RBFOX1: variants seen among roughly 807,000 people sequenced by gnomAD.
The protein encoded by RBFOX1 is RNA binding fox-1 homolog 1.
Under a neutral mutation model 57.7 loss-of-function variants are expected in RBFOX1, and 8 were observed. That is an observed-to-expected ratio of 0.14 (90% CI 0.08 to 0.25). The LOEUF (loss-of-function observed/expected upper bound fraction) is 0.25. Ranked by LOEUF, RBFOX1 falls within the 10% of genes least tolerant of loss-of-function variation. RBFOX1 has a pLI of 1.00. For synonymous variants in RBFOX1, 326 were observed against 222.4 expected (o/e 1.47, Z -4.15); for missense variants, 611 against 548.5 (o/e 1.11, Z -1.14).
chr16:6,712,653 G>C (rs183425651), intron 3 of RBFOX1, among the ~76,000 whole-genome samples: 13 of 152,182 alleles, frequency 8.5e-5, no homozygotes, highest in Middle Eastern at 3.4e-3. Context: ...TCATGGCGTA[G>C]GCACTCTGAT....
chr16:5,592,159 C>T (rs185793438), intron 2 of RBFOX1, among the ~76,000 whole-genome samples: 4 of 143,926 alleles, frequency 2.8e-5, no homozygotes, highest in Admixed American at 2.7e-4. Flanking sequence ...CTGTACATTT[C>T]CTTTGCTTGT....
chr16:7,506,547 T>G (rs1321163742), intron 4 of RBFOX1, among the ~76,000 whole-genome samples: 1 of 152,100 alleles, frequency 6.6e-6, no homozygotes, highest in Non-Finnish European at 1.5e-5. Flanking sequence ...TTACCAGACA[T>G]CGTCATCACC....
intron 3 of RBFOX1, among the ~76,000 whole-genome samples, chr16:6,791,524 C>T (rs143381205): frequency 5.9e-5 from 9 of 152,212 alleles, no homozygotes; most frequent in South Asian, 4.2e-4. Flanking sequence ...TTCGGGAGGC[C>T]GAGGTGGGTG....
intron 1 of RBFOX1, among the ~76,000 whole-genome samples, chr16:5,447,725 T>A (rs1479814782): frequency 6.6e-6 from 1 of 152,218 alleles, no homozygotes; most frequent in East Asian, 1.9e-4. Context: ...CTGTGTGGCC[T>A]CTCATCAGCT....
At chr16:5,403,143 G>C (rs918649599) in intron 1 of RBFOX1, among the ~76,000 whole-genome samples, 2 of 152,002 alleles carry the variant, frequency 1.3e-5, no homozygotes, top group Non-Finnish European at 2.9e-5. Context: ...CTGAGGTTGG[G>C]AGTTCCAGAC....
At chr16:6,344,152 C>T (rs117084979) in intron 2 of RBFOX1, among the ~76,000 whole-genome samples, 2,824 of 152,160 alleles carry the variant, frequency 0.019, 56 homozygotes, top group Non-Finnish European at 0.028. Context: ...CTCCACCTCC[C>T]GGGTTCAAAT....
chr16:5,646,575 A>G (rs1405971913), intron 3 of RBFOX1, among the ~76,000 whole-genome samples: 1 of 152,126 alleles, frequency 6.6e-6, no homozygotes, highest in Non-Finnish European at 1.5e-5. Flanking sequence ...AGAGGGTCGC[A>G]GTGTGCAGCA....
rs998934424 is a variant in RBFOX1 at position 7,032,635 on chromosome 16, C to G, written c.-15-19422C>G. On this transcript the variant is annotated intron_variant, in intron 3 of 15. Transcript: ENST00000550418. ...TTGCTAGACGAGTATTTTCCCTCCT[C>G]AAGCTAATTGCTTGATGGAATTAAA... is the stretch of plus-strand genomic sequence containing the variant. 2.0e-5 allele frequency among the ~76,000 whole-genome samples: 3 copies of G among 152,186 alleles called. No individual in the cohort carries two copies. In the East Asian group the frequency reaches 5.8e-4, roughly 29 times the overall value.
chr16:6,065,481 G>A (rs2095749477), intron 1 of RBFOX1, among the ~76,000 whole-genome samples: 1 of 152,102 alleles, frequency 6.6e-6, no homozygotes. Flanking sequence ...CAAAGCCTCT[G>A]ATATATCATT....
chr16:5,617,642 G>A (rs1441141088), intron 3 of RBFOX1, among the ~76,000 whole-genome samples: 1 of 152,136 alleles, frequency 6.6e-6, no homozygotes, highest in Non-Finnish European at 1.5e-5. Context: ...TTATTCTCAG[G>A]TATTCAGTGA....
In RBFOX1 at chr16:5,638,175, G is replaced by A. The variant is rs150046424; in HGVS notation, c.318+39214G>A. Among the ~76,000 whole-genome samples the A allele has an allele frequency of 2.8e-3, 427 of 152,328 alleles. 1 individual carries two copies. Among genetic ancestry groups the A allele is most frequent in the African/African-American group, 9.8e-3 (406 of 41,568 alleles). Reference sequence around the variant, plus strand: ...TATTGACTAGCCCTGTGGAGGGGGTGCAGTGGCAATTGTTACTGTCATTTT... The same window carrying A: ...TATTGACTAGCCCTGTGGAGGGGGTACAGTGGCAATTGTTACTGTCATTTT... On this transcript the variant is annotated intron_variant, in intron 3 of 19. Transcript: ENST00000641259.
chr16:7,095,628 G>T lies in RBFOX1; in HGVS notation c.27+43530G>T, dbSNP rs374292353. On this transcript the variant is annotated intron_variant, in intron 4 of 15. Transcript: ENST00000550418. ...TACTTGGATGTCATGATACATACCA[G>T]GTGGGAGCTTGGAATGTGTTTACAG... Among the ~76,000 whole-genome samples the T allele has an allele frequency of 4.6e-4, 70 of 152,298 alleles. 2 individuals carry two copies. In the South Asian group the frequency reaches 0.014, roughly 31 times the overall value.
chr16:6,166,339 G>T (rs2096916896), intron 1 of RBFOX1, among the ~76,000 whole-genome samples: 1 of 151,900 alleles, frequency 6.6e-6, no homozygotes, highest in Non-Finnish European at 1.5e-5. Context: ...CAGCGAATAG[G>T]CTGGCTCAGC....
chr16:6,026,054 C>T (rs928455620), intron 1 of RBFOX1, among the ~76,000 whole-genome samples: 1 of 152,182 alleles, frequency 6.6e-6, no homozygotes, highest in African/African-American at 2.4e-5. Flanking sequence ...TATTCGATTC[C>T]TGCTCATCCT....
chr16:6,742,858 A>T (rs1397984076), intron 3 of RBFOX1, among the ~76,000 whole-genome samples: 1 of 152,198 alleles, frequency 6.6e-6, no homozygotes, highest in African/African-American at 2.4e-5. Flanking sequence ...ATAAAGGTAC[A>T]GCATGAAGGA....
chr16:6,944,380 C>A, intron 3 of RBFOX1, among the ~76,000 whole-genome samples: 1 of 135,900 alleles, frequency 7.4e-6, no homozygotes, highest in Non-Finnish European at 1.5e-5. Flanking sequence ...GGCAACAGAG[C>A]AAGACTCCAT....
intron 3 of RBFOX1, among the ~76,000 whole-genome samples, chr16:6,660,739 C>G (rs963946567): frequency 2.0e-5 from 3 of 150,434 alleles, no homozygotes; most frequent in African/African-American, 7.3e-5. Context: ...AAAATAAGAA[C>G]TGGATTAACT....
chr16:5,633,947 C>A (rs192354458), intron 3 of RBFOX1, among the ~76,000 whole-genome samples: 1 of 152,232 alleles, frequency 6.6e-6, no homozygotes, highest in Non-Finnish European at 1.5e-5. Context: ...TGCTCAACAT[C>A]CCTAATTATC....
At position 6,887,747 on chromosome 16, in the gene RBFOX1, C is replaced by G. The variant is rs561484012; in HGVS notation, c.-15-164310C>G. ...GTGCAATCTTGGCTTACTGCAACCT[C>G]TGCCTCCCAGGTTCAAGTGATTCTC... is the stretch of plus-strand genomic sequence containing the variant. On this transcript the variant is annotated intron_variant, in intron 3 of 15. Transcript: ENST00000550418. Among the ~76,000 whole-genome samples the G allele has an allele frequency of 4.7e-4, 71 of 151,872 alleles. No homozygotes were observed. In the South Asian group the frequency reaches 9.6e-3, roughly 21 times the overall value.
Sources: allele counts gnomAD v4.1 joint callset (sites outside exome capture counted in the v4.1 genomes callset), GRCh38; gene constraint gnomAD v4.1.1; transcripts MANE v1.5; gene names NCBI Gene and HGNC (gene_info 2026-07-23, HGNC 2026-07-21).